Variants in MYLK observed in about 807,000 individuals in gnomAD.
The protein encoded by MYLK is myosin light chain kinase, smooth muscle.
A neutral mutation model predicts 203.4 loss-of-function variants in MYLK; 106 were observed. The ratio of observed to expected loss-of-function variants is 0.52; its 90% CI spans 0.45 to 0.61. MYLK has a LOEUF of 0.61. MYLK is among the 20% of genes least tolerant of loss of function. The pLI, the probability that MYLK is intolerant of heterozygous loss-of-function variation, is 0.00. For missense variants in MYLK, 2,072 were observed against 2,442.3 expected (o/e 0.85, Z 3.20); for synonymous variants, 867 against 959.5 (o/e 0.90, Z 1.78).
intron 5 of MYLK, among the ~76,000 whole-genome samples, chr3:123,742,382 A>T (rs551264199): frequency 3.9e-4 from 59 of 152,332 alleles, no homozygotes; most frequent in Non-Finnish European, 7.4e-4. Flanking sequence ...AGACAGGAAA[A>T]TGACAAGAAA....
intron 17 of MYLK, among the ~76,000 whole-genome samples, 198 bp from the exon 18 acceptor site, chr3:123,701,203 G>A (rs1413384748): frequency 3.5e-5 from 5 of 142,104 alleles, no homozygotes; most frequent in Middle Eastern, 4.2e-3. Flanking sequence ...TTATTACATC[G>A]GTAATGACTT....
intron 13 of MYLK, among the ~76,000 whole-genome samples, chr3:123,710,502 G>A (rs937335427): frequency 6.6e-6 from 1 of 152,084 alleles, no homozygotes; most frequent in African/African-American, 2.4e-5. Context: ...CCCATCCTAG[G>A]AGGTTTTAAG....
chr3:123,851,342 C>T lies in MYLK; in HGVS notation c.-126-19672G>A, dbSNP rs1318839913. On this transcript the variant is annotated intron_variant, in intron 2 of 33. Coordinates refer to ENST00000360304, the MANE Select transcript of MYLK (RefSeq NM_053025.4). ...CTATAAATTACCTTGGGCAGTATGG[C>T]CAGTTTCATGATATTGATTCTTCCT... Among the ~76,000 whole-genome samples the T allele has an allele frequency of 3.3e-5, 5 of 152,088 alleles. No homozygotes were observed. In the East Asian group the frequency reaches 7.7e-4, roughly 23 times the overall value.
At chr3:123,716,344 C>T (rs2061893675) in intron 13 of MYLK, 1 of 152,194 alleles carries the variant, frequency 6.6e-6, no homozygotes, top group Admixed American at 6.5e-5. Context: ...CCAAACAGAA[C>T]CTTCTTGAAG....
At chr3:123,866,973 C>T (rs1199372487) in intron 2 of MYLK, among the ~76,000 whole-genome samples, 3 of 152,158 alleles carry the variant, frequency 2.0e-5, no homozygotes, top group African/African-American at 7.2e-5. Flanking sequence ...TCCCCACTGG[C>T]TCCTAGAACA....
intron 2 of MYLK, among the ~76,000 whole-genome samples, chr3:123,834,370 T>C (rs1305774689): frequency 6.6e-6 from 1 of 152,086 alleles, no homozygotes; most frequent in Non-Finnish European, 1.5e-5. Flanking sequence ...CTTTTTAATA[T>C]CAACATTTGA....
At chr3:123,730,815 G>A (rs1389694669) in intron 11 of MYLK, among the ~76,000 whole-genome samples, 4 of 152,148 alleles carry the variant, frequency 2.6e-5, no homozygotes, top group Admixed American at 1.3e-4. Context: ...TAGTGAAAAT[G>A]TTCTGAAATC....
chr3:123,680,322 G>T (rs932520194), intron 20 of MYLK, among the ~76,000 whole-genome samples: 6 of 152,142 alleles, frequency 3.9e-5, no homozygotes, highest in African/African-American at 1.4e-4. Context: ...GCTGGAGGCT[G>T]CCCACCAGAT....
At chr3:123,661,015 C>T (rs1362723113) in intron 23 of MYLK, among the ~76,000 whole-genome samples, 1 of 152,184 alleles carries the variant, frequency 6.6e-6, no homozygotes, top group Non-Finnish European at 1.5e-5. Context: ...GAGGGGGAGG[C>T]AGACAGAAAG....
At chr3:123,713,459 C>T (rs1172181636) in intron 13 of MYLK, among the ~76,000 whole-genome samples, 3 of 151,684 alleles carry the variant, frequency 2.0e-5, no homozygotes, top group Non-Finnish European at 2.9e-5. Flanking sequence ...TCTCCTCCAA[C>T]GGTGCCCATG....
At chr3:123,776,962 T>A (rs1281860767) in intron 4 of MYLK, among the ~76,000 whole-genome samples, 1 of 152,208 alleles carries the variant, frequency 6.6e-6, no homozygotes, top group Non-Finnish European at 1.5e-5. Flanking sequence ...AAAATAACTA[T>A]AGGACAGAAC....
At chr3:123,671,763 GT>G (rs2059920177) in intron 20 of MYLK, among the ~76,000 whole-genome samples, 1 of 152,202 alleles carries the variant, frequency 6.6e-6, no homozygotes, top group Non-Finnish European at 1.5e-5. Context: ...CTAGGGCACA[GT>G]GGAGAGAGAG....
At chr3:123,873,095 C>T (rs1394382120) in intron 2 of MYLK, among the ~76,000 whole-genome samples, 1 of 152,142 alleles carries the variant, frequency 6.6e-6, no homozygotes, top group Non-Finnish European at 1.5e-5. Context: ...TTTAGAAGCT[C>T]TATGCCAGAA....
chr3:123,830,785 A>T (rs1272640081), intron 3 of MYLK, among the ~76,000 whole-genome samples: 1 of 152,172 alleles, frequency 6.6e-6, no homozygotes, highest in Admixed American at 6.5e-5. Context: ...AGCAGCGGGA[A>T]ACCACCTTCC....
intron 29 of MYLK, among the ~76,000 whole-genome samples, chr3:123,634,406 C>T (rs928843673): frequency 2.6e-5 from 4 of 152,170 alleles, no homozygotes; most frequent in Non-Finnish European, 5.9e-5. Flanking sequence ...CCCGATGCCC[C>T]GGCACTGTGA....
chr3:123,818,999 C>T (rs1039393078), intron 3 of MYLK, among the ~76,000 whole-genome samples: 8 of 152,202 alleles, frequency 5.3e-5, no homozygotes, highest in Non-Finnish European at 1.0e-4. Context: ...GATAAAACAA[C>T]AACAGTACCA....
intron 16 of MYLK, 81 bp from the exon 17 acceptor site, chr3:123,701,590 G>A: frequency 7.0e-7 from 1 of 1,438,732 alleles, no homozygotes; most frequent in Non-Finnish European, 9.8e-7. Flanking sequence ...ATCACAGGCT[G>A]CTGGCCAGCG....
At chr3:123,633,817 G>C (rs1405806626) in intron 29 of MYLK, among the ~76,000 whole-genome samples, 2 of 152,128 alleles carry the variant, frequency 1.3e-5, no homozygotes, top group African/African-American at 4.8e-5. Flanking sequence ...AATGCCTCTT[G>C]GACTACACTT....
At chr3:123,798,682 C>T (rs1178782945) in intron 3 of MYLK, among the ~76,000 whole-genome samples, 1 of 152,116 alleles carries the variant, frequency 6.6e-6, no homozygotes, top group African/African-American at 2.4e-5. Context: ...CAAATCAATA[C>T]AGCAAGGGAA....
Sources: allele counts gnomAD v4.1 joint callset (sites outside exome capture counted in the v4.1 genomes callset), GRCh38; gene constraint gnomAD v4.1.1; transcripts MANE v1.5; gene names NCBI Gene and HGNC (gene_info 2026-07-23, HGNC 2026-07-21).